The following UBXN2B variants were observed in gnomAD, a reference collection of about 807,000 sequenced individuals.
UBXN2B encodes UBX domain protein 2B.
UBXN2B carries 19 observed loss-of-function variants against 37.5 expected under a neutral mutation model. The ratio of observed to expected loss-of-function variants is 0.51; its 90% CI spans 0.35 to 0.74. The LOEUF is 0.74. Among genes scored for constraint, UBXN2B ranks in the 30% least tolerant of loss-of-function variants. UBXN2B has a pLI of 0.01. For missense variants in UBXN2B, 370 were observed against 393.2 expected (o/e 0.94, Z 0.50); for synonymous variants, 145 against 143.8 (o/e 1.01, Z -0.06).
chr8:58,433,121 A>G (rs1204767101), intron 3 of UBXN2B, 39 bp from the exon 4 acceptor site: 3 of 1,481,500 alleles, frequency 2.0e-6, no homozygotes, highest in South Asian at 2.4e-5. Context: ...TTGCTGAATA[A>G]TCCTTTGTGA....
intron 6 of UBXN2B, among the ~76,000 whole-genome samples, chr8:58,444,348 C>A (rs1808619811): frequency 6.6e-6 from 1 of 152,166 alleles, no homozygotes; most frequent in East Asian, 1.9e-4. Flanking sequence ...TTAATTTAAT[C>A]TTTACAGCAC....
In UBXN2B at chr8:58,425,067, C is replaced by T. The variant is rs1029371384; in HGVS notation, c.189-5452C>T. ...GGTGCACCTCCTCCAGGAAGTCCAG[C>T]ACACCCCTGGGGTCAATGGGCACTC... On this transcript the variant is annotated intron_variant, in intron 2 of 7. Transcript: ENST00000399598. 6.4e-6 allele frequency: 5 copies of T among 783,834 alleles called. No individual in the cohort carries two copies. The African/African-American group carries it at 8.5e-5, about 13-fold the overall frequency. 48.6% of individuals were successfully genotyped at this position (783,834 alleles called of 1,614,324 possible). A position where few individuals can be genotyped will look rare whatever the true frequency, so the allele number is the denominator to read the frequency against.
chr8:58,447,387 A>G lies in UBXN2B; in HGVS notation c.834-2A>G. On this transcript the variant is annotated splice_acceptor_variant, in intron 7 of 7. Transcript: ENST00000399598. LOFTEE classifies it high-confidence loss of function. ...CAAATTATTTTTGTCTTATTTCTTC[A>G]GGATCCTGGATGTCCGGAACTTTAT... The G allele has an allele frequency of 1.3e-6, 2 of 1,571,700 alleles. No individual in the cohort carries two copies. The highest frequency in any genetic ancestry group is 2.4e-5 in the South Asian group (2 of 82,898).
chr8:58,438,809 G>T (rs1055370212), intron 5 of UBXN2B, among the ~76,000 whole-genome samples: 1 of 152,082 alleles, frequency 6.6e-6, no homozygotes. Context: ...ATGAGATTTG[G>T]GGGGCCAGTG....
At chr8:58,437,062 AG>A (rs1373034543) in intron 5 of UBXN2B, among the ~76,000 whole-genome samples, 1 of 152,178 alleles carries the variant, frequency 6.6e-6, no homozygotes, top group African/African-American at 2.4e-5. Context: ...TGAAGAAGAT[AG>A]GAAGACAAAG....
chr8:58,445,665 G>T lies in UBXN2B; in HGVS notation c.672-242G>T, dbSNP rs547723881. On this transcript the variant is annotated intron_variant, in intron 6 of 7. Transcript: ENST00000399598. ...TTGCTCGTATTTCTAAATAAAACTG[G>T]TTTGCTAAACAGTGATGAAGTTGCA... is the stretch of plus-strand genomic sequence containing the variant. Among the ~76,000 whole-genome samples, 66 of 152,214 alleles carry T rather than the reference G, an allele frequency of 4.3e-4. No homozygotes were observed. In the South Asian group the frequency reaches 0.012, roughly 27 times the overall value.
chr8:58,411,454 C>G lies in UBXN2B; in HGVS notation c.69C>G (p.Ser23Arg). The G allele has an allele frequency of 4.8e-6, 6 of 1,254,674 alleles. No homozygotes were observed. Among genetic ancestry groups the G allele is most frequent in the Non-Finnish European group, 6.0e-6 (6 of 994,320 alleles). 77.7% of individuals were successfully genotyped at this position (1,254,674 alleles called of 1,614,324 possible). Residue 23 changes from serine (S) to arginine (R), a missense_variant, in exon 1 of 8, where the codon AGC (serine) becomes AGG (arginine). Coordinates refer to ENST00000399598, the MANE Select transcript of UBXN2B (RefSeq NM_001077619.2). ...GGTCTTCCGGGCCGCGGCCTCCGAG[C>G]GCGCGGGATTTGCAGGTGAGGCGAG... Reference protein sequence around the residue: ...ERRSSGPRPPSARDLQLALAE... With the variant: ...ERRSSGPRPPRARDLQLALAE...
chr8:58,435,016 A>T (rs1019795152), intron 5 of UBXN2B: 1 of 1,502,782 alleles, frequency 6.7e-7, no homozygotes, highest in South Asian at 1.3e-5. Context: ...TCCAAAGAAC[A>T]TTGTAACTTA....
rs534955567 is a variant in UBXN2B, at chr8:58,449,270, C to A, written c.*1719C>A. The A allele has an allele frequency of 2.0e-5, 3 of 152,304 alleles. No homozygotes were observed. The South Asian group carries it at 6.2e-4, about 32-fold the overall frequency. 9.4% of individuals were successfully genotyped at this position (152,304 alleles called of 1,614,324 possible). Reference sequence around the variant, plus strand: ...TGGAGATTAGGACATTAACATTTTACATGGAACATTATTCTTGCCTACTAC... The same window carrying A: ...TGGAGATTAGGACATTAACATTTTAAATGGAACATTATTCTTGCCTACTAC... On this transcript the variant is annotated 3_prime_UTR_variant, in exon 8 of 8. Coordinates refer to ENST00000399598, the MANE Select transcript of UBXN2B (RefSeq NM_001077619.2).
At chr8:58,429,081 G>A (rs1486771231) in intron 2 of UBXN2B, among the ~76,000 whole-genome samples, 1 of 152,224 alleles carries the variant, frequency 6.6e-6, no homozygotes. Flanking sequence ...TAACCGTAAA[G>A]GAGATAGGAA....
chr8:58,418,387 T>G (rs1476309400), intron 2 of UBXN2B, among the ~76,000 whole-genome samples: 1 of 152,194 alleles, frequency 6.6e-6, no homozygotes, highest in Non-Finnish European at 1.5e-5. Flanking sequence ...ATTCCTGTTT[T>G]GAATTTCTGA....
At position 58,449,184 on chromosome 8, in the gene UBXN2B, C is replaced by A. The variant is rs1396453768; in HGVS notation, c.*1633C>A. 6.6e-6 allele frequency: 1 copy of A among 152,198 alleles called. No homozygotes were observed. Among genetic ancestry groups the A allele is most frequent in the Non-Finnish European group, 1.5e-5 (1 of 68,046 alleles). The allele number at this position is 152,198 out of a possible 1,614,324, so 9.4% of individuals were successfully genotyped here. On this transcript the variant is annotated 3_prime_UTR_variant, in exon 8 of 8. Transcript: ENST00000399598. ...TAGGCTTATCTCCTTGTCTTGAAAT[C>A]CATAGTAACCTTAATTACATCTGCA...
chr8:58,425,471 C>G (rs958755794), intron 2 of UBXN2B: 1 of 1,124,286 alleles, frequency 8.9e-7, no homozygotes, highest in Non-Finnish European at 1.4e-6. Context: ...TCATCTGAAA[C>G]AGGCTCGTTG....
At chr8:58,414,150 C>T (rs1563454711) in intron 1 of UBXN2B, among the ~76,000 whole-genome samples, 1 of 152,200 alleles carries the variant, frequency 6.6e-6, no homozygotes, top group African/African-American at 2.4e-5. Context: ...GTTCTGATAA[C>T]TGTGTTGCCA....
chr8:58,418,402 A>G (rs1488177815), intron 2 of UBXN2B, among the ~76,000 whole-genome samples: 2 of 152,194 alleles, frequency 1.3e-5, no homozygotes, highest in African/African-American at 4.8e-5. Flanking sequence ...TTCTGAATAC[A>G]CAGAACTCTT....
chr8:58,424,911 G>A, intron 2 of UBXN2B: 1 of 912,616 alleles, frequency 1.1e-6, no homozygotes, highest in Admixed American at 1.7e-5. Flanking sequence ...GAACGTCAAT[G>A]TTGCAGTCAA....
chr8:58,425,125 C>T, intron 2 of UBXN2B: 1 of 817,188 alleles, frequency 1.2e-6, no homozygotes, highest in Non-Finnish European at 2.2e-6. Context: ...GTGGTATTGC[C>T]AGACCATTCT....
chr8:58,439,578 TGTA>T, intron 5 of UBXN2B, 52 bp from the exon 6 acceptor site: 1 of 1,566,242 alleles, frequency 6.4e-7, no homozygotes, highest in Non-Finnish European at 8.6e-7. Flanking sequence ...ATCTCAACAG[TGTA>T]GTTTAATTCT....
intron 5 of UBXN2B, chr8:58,434,902 T>A: frequency 6.5e-7 from 1 of 1,535,652 alleles, no homozygotes. Flanking sequence ...CAACTTATGT[T>A]AGAAATCTTT....
Sources: allele counts gnomAD v4.1 joint callset (sites outside exome capture counted in the v4.1 genomes callset), GRCh38; gene constraint gnomAD v4.1.1; transcripts MANE v1.5; gene names NCBI Gene and HGNC (gene_info 2026-07-23, HGNC 2026-07-21).